The following DLG2 variants were observed in gnomAD, a reference collection of about 807,000 sequenced individuals.
DLG2 encodes discs large MAGUK scaffold protein 2, also known as disks large homolog 2.
DLG2 carries 45 observed loss-of-function variants against 132.5 expected under a neutral mutation model. The ratio of observed to expected loss-of-function variants is 0.34; its 90% CI spans 0.27 to 0.44. DLG2 has a LOEUF of 0.44. Among genes scored for constraint, DLG2 ranks in the 20% least tolerant of loss-of-function variants. The pLI is 1.00. For synonymous variants in DLG2, 424 were observed against 419.6 expected (o/e 1.01, Z -0.13); for missense variants, 1,045 against 1,196.9 (o/e 0.87, Z 1.87).
At chr11:85,273,554 G>A (rs2077683720) in intron 4 of DLG2, among the ~76,000 whole-genome samples, 1 of 152,154 alleles carries the variant, frequency 6.6e-6, no homozygotes, top group Non-Finnish European at 1.5e-5. Context: ...ACCACAATGA[G>A]ATACCATCTC....
At chr11:85,234,630 G>T (rs2152656917) in intron 4 of DLG2, among the ~76,000 whole-genome samples, 1 of 152,122 alleles carries the variant, frequency 6.6e-6, no homozygotes, top group Admixed American at 6.6e-5. Flanking sequence ...CTATCCATTA[G>T]AGTGGTTAAG....
chr11:85,034,268 C>T (rs1344698059), intron 6 of DLG2, among the ~76,000 whole-genome samples: 9 of 151,838 alleles, frequency 5.9e-5, no homozygotes, highest in Admixed American at 1.3e-4. Flanking sequence ...TTAGTAGAGA[C>T]GGAGTTTCAC....
intron 4 of DLG2, among the ~76,000 whole-genome samples, chr11:85,175,019 G>T (rs1365855164): frequency 6.6e-6 from 1 of 152,090 alleles, no homozygotes; most frequent in Non-Finnish European, 1.5e-5. Flanking sequence ...TAAATTTACA[G>T]CTGAATTCTA....
At chr11:85,330,798 A>AAAAAAAAAAAAAAG (rs2081666032) in intron 3 of DLG2, among the ~76,000 whole-genome samples, 1 of 136,592 alleles carries the variant, frequency 7.3e-6, no homozygotes. Flanking sequence ...AAATTAAAAA[A>AAAAAAAAAAAAAAG]AAAAAAAAAA....
chr11:84,423,792 T>G (rs752544608), intron 7 of DLG2, among the ~76,000 whole-genome samples: 5 of 152,116 alleles, frequency 3.3e-5, no homozygotes, highest in Non-Finnish European at 7.4e-5. Flanking sequence ...TTACATAAAT[T>G]ATAAATAGGT....
intron 6 of DLG2, among the ~76,000 whole-genome samples, chr11:84,671,127 C>T (rs1029259347): frequency 2.0e-5 from 3 of 151,072 alleles, no homozygotes; most frequent in East Asian, 1.9e-4. Context: ...CAAAGTCTCA[C>T]TCTGTCACCC....
intron 4 of DLG2, among the ~76,000 whole-genome samples, chr11:85,181,411 G>T (rs1482567649): frequency 6.6e-6 from 1 of 151,596 alleles, no homozygotes; most frequent in Non-Finnish European, 1.5e-5. Flanking sequence ...ACTATGAATT[G>T]GAGATGGAGT....
At chr11:85,004,139 G>T (rs1405247550) in intron 6 of DLG2, among the ~76,000 whole-genome samples, 1 of 152,054 alleles carries the variant, frequency 6.6e-6, no homozygotes, top group Admixed American at 6.6e-5. Flanking sequence ...ATTTGGGTTG[G>T]TTCCAAGTCT....
chr11:85,210,683 A>C (rs954565701), intron 4 of DLG2, among the ~76,000 whole-genome samples: 3 of 152,136 alleles, frequency 2.0e-5, no homozygotes, highest in South Asian at 2.1e-4. Flanking sequence ...GCCTTCCCCA[A>C]GATGGTCCCA....
chr11:84,658,397 C>T (rs1021078293), intron 6 of DLG2, among the ~76,000 whole-genome samples: 2 of 151,978 alleles, frequency 1.3e-5, no homozygotes, highest in African/African-American at 2.4e-5. Flanking sequence ...GAAGGTGGGG[C>T]GTTTGAGCAG....
chr11:83,591,459 T>G (rs1262210246), intron 19 of DLG2, among the ~76,000 whole-genome samples: 1 of 84,246 alleles, frequency 1.2e-5, no homozygotes, highest in African/African-American at 4.9e-5. Context: ...TGCTAAAAAC[T>G]CTCAATAAAT....
At chr11:85,343,432 AT>A (rs2082628589) in intron 3 of DLG2, among the ~76,000 whole-genome samples, 2 of 152,060 alleles carry the variant, frequency 1.3e-5, no homozygotes, top group Non-Finnish European at 2.9e-5. Flanking sequence ...TGACCTGTTC[AT>A]TTTTGTATTT....
In DLG2 at chr11:83,866,908, G is replaced by A. The variant is rs186428579; in HGVS notation, c.1565+7512C>T. Among the ~76,000 whole-genome samples the A allele has an allele frequency of 9.2e-5, 14 of 152,160 alleles. No individual in the cohort carries two copies. The East Asian group carries it at 9.7e-4, about 10-fold the overall frequency. Reference sequence around the variant, plus strand: ...CGAGACTCCTGACCTGTGACTTCCCGGCTTCTTCCTAGTCCTGCTGGGCAA... The same window carrying A: ...CGAGACTCCTGACCTGTGACTTCCCAGCTTCTTCCTAGTCCTGCTGGGCAA... On this transcript the variant is annotated intron_variant, in intron 16 of 27. Coordinates refer to ENST00000376104, the MANE Select transcript of DLG2 (RefSeq NM_001142699.3).
chr11:84,131,343 A>C (rs991552274), intron 9 of DLG2, among the ~76,000 whole-genome samples: 1 of 151,982 alleles, frequency 6.6e-6, no homozygotes. Flanking sequence ...CATCTTCTAA[A>C]GTAGGTCTGA....
chr11:84,869,433 T>C (rs192164141), intron 6 of DLG2, among the ~76,000 whole-genome samples: 3 of 152,326 alleles, frequency 2.0e-5, no homozygotes, highest in Admixed American at 2.0e-4. Flanking sequence ...TTTCATGCCA[T>C]TTTTTAAATT....
At chr11:85,279,755 G>A (rs1245216386) in intron 4 of DLG2, among the ~76,000 whole-genome samples, 1 of 151,770 alleles carries the variant, frequency 6.6e-6, no homozygotes, top group Non-Finnish European at 1.5e-5. Context: ...TAAATGTCAA[G>A]AGCCTCATAG....
chr11:84,891,189 C>T (rs1480496562), intron 6 of DLG2, among the ~76,000 whole-genome samples: 1 of 152,092 alleles, frequency 6.6e-6, no homozygotes, highest in African/African-American at 2.4e-5. Flanking sequence ...TTTAAATATG[C>T]TACATTTTAA....
At chr11:84,327,989 C>T (rs768704823) in intron 7 of DLG2, among the ~76,000 whole-genome samples, 22 of 152,076 alleles carry the variant, frequency 1.4e-4, no homozygotes, top group East Asian at 1.9e-4. Context: ...GAGACTAATA[C>T]GTGTAACATC....
intron 4 of DLG2, among the ~76,000 whole-genome samples, chr11:85,197,891 C>T (rs569874446): frequency 6.6e-6 from 1 of 152,276 alleles, no homozygotes; most frequent in East Asian, 1.9e-4. Context: ...TTTAGCTTCT[C>T]TAATGTTTCC....
Sources: gnomAD v4.1 joint callset for allele counts (sites outside exome capture counted in the v4.1 genomes callset) on GRCh38, gnomAD v4.1.1 for gene constraint, MANE v1.5 for transcripts, NCBI Gene and HGNC (gene_info 2026-07-23, HGNC 2026-07-21) for gene names.